Variants in GPANK1 observed in about 807,000 individuals in gnomAD.
The protein encoded by GPANK1 is G-patch domain and ankyrin repeats 1, also known as G patch domain and ankyrin repeat-containing protein 1.
GPANK1 carries 22 observed loss-of-function variants against 24.0 expected under a neutral mutation model. The observed-to-expected ratio is 0.92, with a 90% CI of 0.66 to 1.31. GPANK1 has a LOEUF of 1.31. GPANK1 is among the 50% of genes most tolerant of loss of function. The probability of loss-of-function intolerance (pLI) is 0.00; values close to 1 mark genes in which losing one functional copy is unlikely to be tolerated. For missense variants in GPANK1, 469 were observed against 453.5 expected (o/e 1.03, Z -0.31); for synonymous variants, 174 against 177.4 (o/e 0.98, Z 0.15).
Position 31,663,879 on chromosome 6 carries a change from A to G in GPANK1, c.600T>C (p.His200=), listed in dbSNP as rs747468120. ...GGTTTTCCGGGCTCCTTGTCTCTCC[A>G]TGGCTCTCCCTGACCATGCGGGCTA... ...PEVARMVRES[H]GETRSPENRS... The change falls in exon 2 of 3, where the codon CAT becomes CAC. Residue 200 remains histidine (H), a synonymous_variant. Transcript: ENST00000375896. 5.7e-6 allele frequency: 9 copies of G among 1,583,442 alleles called. No individual in the cohort carries two copies. In the Admixed American group the frequency reaches 1.6e-4, roughly 29 times the overall value.
chr6:31,665,527 G>GGCCCCCC, upstream of GPANK1: 4 of 1,537,024 alleles, frequency 2.6e-6, no homozygotes, highest in Non-Finnish European at 2.6e-6. Context: ...TTCTCACACC[G>GGCCCCCC]CCCACCCCAC....
upstream of GPANK1, chr6:31,665,915 C>T (rs1255878741): frequency 3.7e-6 from 4 of 1,078,602 alleles, no homozygotes; most frequent in Non-Finnish European, 4.5e-6. Flanking sequence ...GCGCCCTCCT[C>T]CGGGCCTTCG....
At position 31,664,252 on chromosome 6, in the gene GPANK1, A is replaced by G. The variant is rs139853921; in HGVS notation, c.227T>C (p.Met76Thr). The G allele has an allele frequency of 6.2e-7, 1 of 1,613,836 alleles. No individual in the cohort carries two copies. The highest frequency in any genetic ancestry group is 1.3e-5 in the African/African-American group (1 of 74,990). ...CACTGCTTCTGCTGCTGGTGCCTTC[A>G]TTATTCTTCTTTTCTTTCTCTTTCT... ...RERKRKKRRI[M>T]KAPAAEAVAE... The change falls in exon 2 of 3, where the codon ATG becomes ACG. Residue 76 changes from methionine to threonine, a missense_variant. Met to Thr is a moderately conservative substitution (Grantham distance 81). Transcript: ENST00000375896.
In GPANK1 at chr6:31,662,409, G is replaced by C; in HGVS notation, c.928C>G (p.Pro310Ala). 1 of 1,612,642 alleles carries C rather than the reference G, an allele frequency of 6.2e-7. No homozygotes were observed. Among genetic ancestry groups the C allele is most frequent in the Non-Finnish European group, 8.5e-7 (1 of 1,179,856 alleles). ...GCCACAGCTCGGGTATCCCAAGCTG[G>C]GAAATGTGTCACTCGGGGCTGGGGT... ...SAPQPRVTHF[P>A]AWDTRAVAGR... The change falls in exon 3 of 3, where the codon CCA becomes GCA. Residue 310 changes from proline to alanine, a missense_variant. Pro to Ala is a conservative substitution (Grantham distance 27, BLOSUM62 -1). Coordinates refer to ENST00000375896, the MANE Select transcript of GPANK1 (RefSeq NM_033177.4). The surrounding 1 kb of genome is among the most constrained non-coding windows in gnomAD (Gnocchi z 5.5).
upstream of GPANK1, chr6:31,665,558 C>T: frequency 6.8e-7 from 1 of 1,463,506 alleles, no homozygotes; most frequent in South Asian, 1.2e-5. Flanking sequence ...TCCCTACGCA[C>T]GGAGCCAAGC....
At position 31,663,866 on chromosome 6, in the gene GPANK1, T is replaced by G; in HGVS notation, c.613A>C (p.Ser205Arg). ...MVRESHGETRSPENRSPTPSL... is the reference protein window; with the variant it reads ...MVRESHGETRRPENRSPTPSL... ...GTTTCCCCTTACCGGTTTTCCGGGC[T>G]CCTTGTCTCTCCATGGCTCTCCCTG... Residue 205 changes from serine to arginine, a missense_variant, in exon 2 of 3, where the codon AGC (serine) becomes CGC (arginine). Physicochemically the swap from Ser to Arg is moderately radical, Grantham distance 110. Coordinates refer to ENST00000375896, the MANE Select transcript of GPANK1 (RefSeq NM_033177.4). 1 of 1,557,474 alleles carries G rather than the reference T, an allele frequency of 6.4e-7. No homozygotes were observed.
At position 31,662,391 on chromosome 6, in the gene GPANK1, C is replaced by G; in HGVS notation, c.946G>C (p.Ala316Pro). The G allele has an allele frequency of 6.2e-7, 1 of 1,612,636 alleles. No homozygotes were observed. The change falls in exon 3 of 3, where the codon GCT becomes CCT. Residue 316 changes from alanine to proline, a missense_variant. By Grantham distance (27) the Ala-to-Pro change is conservative (BLOSUM62 -1). Transcript: ENST00000375896. The surrounding 1 kb of genome is among the most constrained non-coding windows in gnomAD (Gnocchi z 5.5). Reference sequence around the variant, plus strand: ...GGGGGTCTCTCCCTCCCAGCCACAGCTCGGGTATCCCAAGCTGGGAAATGT... The same window carrying G: ...GGGGGTCTCTCCCTCCCAGCCACAGGTCGGGTATCCCAAGCTGGGAAATGT... ...VTHFPAWDTRAVAGRERPPRV... is the reference protein window; with the variant it reads ...VTHFPAWDTRPVAGRERPPRV...
rs569476098 is a variant in GPANK1, at chr6:31,661,710, AG to A, written c.*555del. The stretch of plus-strand genomic sequence containing the variant: ...AGCGAAACTGCATCTCAAAAAAAAA[AG>A]AAAAAAATTGATAACATGGCACTTT... On this transcript the variant is annotated 3_prime_UTR_variant, in exon 3 of 3. Coordinates refer to ENST00000375896, the MANE Select transcript of GPANK1 (RefSeq NM_033177.4). 0.014 allele frequency: 2,415 copies of A among 167,340 alleles called. 27 individuals are homozygous for A. The highest frequency in any genetic ancestry group is 0.021 in the Non-Finnish European group (1,639 of 77,314). 10.4% of individuals were successfully genotyped at this position (167,340 alleles called of 1,614,324 possible). A position where few individuals can be genotyped will look rare whatever the true frequency, so the allele number is the denominator to read the frequency against.
chr6:31,666,206 C>A (rs1447772295), upstream of GPANK1: 2 of 991,734 alleles, frequency 2.0e-6, no homozygotes, highest in Non-Finnish European at 2.4e-6. Flanking sequence ...CCCCGTCCAG[C>A]CGGTGAGTCT....
chr6:31,663,302 T>A (rs1219310716), intron 2 of GPANK1: 1 of 149,984 alleles, frequency 6.7e-6, no homozygotes, highest in Non-Finnish European at 1.5e-5. Flanking sequence ...GGTCCAAAGG[T>A]GGTGGTGAGT....
In GPANK1 at chr6:31,664,377, G is replaced by A. The variant is rs1237956323; in HGVS notation, c.102C>T (p.Thr34=). The A allele has an allele frequency of 2.5e-6, 4 of 1,613,980 alleles. No homozygotes were observed. The highest frequency in any genetic ancestry group is 3.4e-6 in the Non-Finnish European group (4 of 1,179,950). Residue 34 remains threonine, a synonymous_variant, in exon 2 of 3, where the codon ACC becomes ACT. Transcript: ENST00000375896. ...QQPQPEKPES[T]LDGAAARAFY... Reference sequence around the variant, plus strand: ...AAGCTCGGGCTGCAGCCCCATCCAGGGTGGACTCTGGCTTCTCGGGCTGTG... The same window carrying A: ...AAGCTCGGGCTGCAGCCCCATCCAGAGTGGACTCTGGCTTCTCGGGCTGTG...
At position 31,664,471 on chromosome 6, in the gene GPANK1, C is replaced by G. The variant is rs140434336; in HGVS notation, c.8G>C (p.Arg3Pro). Reference sequence around the variant, plus strand: ...TGGGGTGAAGGTGATGAGCAAGGGCCGGGACATGGCTTTTGGGAGAACTGA... The same window carrying G: ...TGGGGTGAAGGTGATGAGCAAGGGCGGGGACATGGCTTTTGGGAGAACTGA... MS[R>P]PLLITFTPAT... is the part of the protein sequence containing the mutation. The change falls in exon 2 of 3, where the codon CGG becomes CCG. Residue 3 changes from arginine to proline, a missense_variant. Arg to Pro is a moderately radical substitution (Grantham distance 103, BLOSUM62 -2). Coordinates refer to ENST00000375896, the MANE Select transcript of GPANK1 (RefSeq NM_033177.4). 204 of 1,606,776 alleles carry G rather than the reference C, an allele frequency of 1.3e-4. No homozygotes were observed. The African/African-American group carries it at 2.7e-3, about 21-fold the overall frequency.
Position 31,662,464 on chromosome 6 carries a change from C to T in GPANK1, c.873G>A (p.Arg291=), listed in dbSNP as rs7992. 0.29 allele frequency: 459,131 copies of T among 1,610,096 alleles called. 71,059 individuals are homozygous for T. The highest frequency in any genetic ancestry group is 0.56 in the African/African-American group (41,619 of 74,862). Residue 291 remains arginine (R), a synonymous_variant, in exon 3 of 3, where the codon AGG becomes AGA. Transcript: ENST00000375896. This position sits in a 1 kb window ranked among gnomAD's most constrained non-coding sequence, Gnocchi z 5.5. ...ATCTGTAGCCTAGTCCTTCCTGGTC[C>T]CTCTTGAGGACAGTGGGGATGGGAT... The part of the protein sequence containing the change: ...RANPIPTVLK[R]DQEGLGYRSA...
chr6:31,663,791 T>A, intron 2 of GPANK1, 62 bp downstream of exon 2: 1 of 1,519,088 alleles, frequency 6.6e-7, no homozygotes, highest in East Asian at 2.3e-5. Context: ...GCGTCTGGTG[T>A]GGTGTGGCTG....
rs753706029 is a variant in GPANK1 at position 31,663,820 on chromosome 6, G to C, written c.626+33C>G. 9 of 1,526,360 alleles carry C rather than the reference G, an allele frequency of 5.9e-6. No individual in the cohort carries two copies. The South Asian group carries it at 1.0e-4, about 18-fold the overall frequency. The allele number at this position is 1,526,360 out of a possible 1,614,324, so 94.6% of individuals were successfully genotyped here. A position where few individuals can be genotyped will look rare whatever the true frequency, so the allele number is the denominator to read the frequency against. On this transcript the variant is annotated intron_variant, in intron 2 of 2. Transcript: ENST00000375896. ...GTGGCTGGGAGAGGCAGAACACAATGAGACATGGGTCTGAGCTAAAGTTTC... is the reference window on the plus strand; with the variant it reads ...GTGGCTGGGAGAGGCAGAACACAATCAGACATGGGTCTGAGCTAAAGTTTC...
chr6:31,662,192 G>C lies in GPANK1; in HGVS notation c.*74C>G. ...CTGCATCTGAGCAGATCCCAGGAAG[G>C]GGAAGTCAAAGGGCCCAGGTCAGAG... On this transcript the variant is annotated 3_prime_UTR_variant, in exon 3 of 3. Coordinates refer to ENST00000375896, the MANE Select transcript of GPANK1 (RefSeq NM_033177.4). The surrounding 1 kb of genome is among the most constrained non-coding windows in gnomAD (Gnocchi z 5.5). 3.1e-6 allele frequency: 3 copies of C among 964,792 alleles called. No homozygotes were observed. The highest frequency in any genetic ancestry group is 4.6e-6 in the Non-Finnish European group (3 of 646,990). 59.8% of individuals were successfully genotyped at this position (964,792 alleles called of 1,614,324 possible). A position where few individuals can be genotyped will look rare whatever the true frequency, so the allele number is the denominator to read the frequency against.
At chr6:31,665,163 G>A, upstream of GPANK1, 2 of 469,870 alleles carry the variant, frequency 4.3e-6, no homozygotes, top group South Asian at 2.9e-5. Context: ...AATAGTAAAC[G>A]AGCAAAGCTC....
chr6:31,665,444 G>A (rs750685394), upstream of GPANK1: 7 of 1,566,338 alleles, frequency 4.5e-6, no homozygotes, highest in Non-Finnish European at 6.1e-6. Context: ...GAGCCTAAGG[G>A]GAAATGGAGA....
At position 31,664,052 on chromosome 6, in the gene GPANK1, A is replaced by G; in HGVS notation, c.427T>C (p.Trp143Arg). 2 of 1,614,204 alleles carry G rather than the reference A, an allele frequency of 1.2e-6. No individual in the cohort carries two copies. The highest frequency in any genetic ancestry group is 1.7e-6 in the Non-Finnish European group (2 of 1,180,034). ...GCAGCACACATCAGTGGGGTCCACC[A>G]GAAGGCATCCCGGGCGTTGATATTC... Reference protein sequence around the residue: ...GGNINARDAFWWTPLMCAARA... With the variant: ...GGNINARDAFRWTPLMCAARA... The change falls in exon 2 of 3, where the codon TGG becomes CGG. Residue 143 changes from tryptophan (W) to arginine (R), a missense_variant. Physicochemically the swap from Trp to Arg is moderately radical, Grantham distance 101. Transcript: ENST00000375896.
Sources: allele counts gnomAD v4.1 joint callset, GRCh38; gene constraint gnomAD v4.1.1; non-coding constraint Gnocchi (gnomAD v3.1); transcripts MANE v1.5; gene names NCBI Gene and HGNC (gene_info 2026-07-23, HGNC 2026-07-21).